Variants in DPH6 observed in about 807,000 individuals in gnomAD.
DPH6 encodes diphthamine biosynthesis 6.
A neutral mutation model predicts 38.2 loss-of-function variants in DPH6; 33 were observed. The observed-to-expected ratio is 0.86, with a 90% confidence interval of 0.65 to 1.15. The LOEUF is 1.15. Among genes scored for constraint, DPH6 ranks in the 50% most tolerant of loss-of-function variants. The probability of loss-of-function intolerance (pLI) is 0.00; values close to 1 mark genes in which losing one functional copy is unlikely to be tolerated. For missense variants in DPH6, 325 were observed against 320.0 expected, an observed-to-expected ratio of 1.02 and a Z score of -0.12; for synonymous variants, 108 against 103.0, an observed-to-expected ratio of 1.05 and a Z score of -0.30.
Position 35,509,292 on chromosome 15 carries a change from A to T in DPH6, c.312+28982T>A, listed in dbSNP as rs190054929. Among the ~76,000 whole-genome samples, 947 of 152,308 alleles carry T rather than the reference A, an allele frequency of 6.2e-3. 4 individuals are homozygous for T. Among genetic ancestry groups the T allele is most frequent in the Non-Finnish European group, 0.01 (695 of 68,018 alleles). Reference sequence around the variant, plus strand: ...GTTTGTTGAAATAAAATAAAACCTAAATTTCTTCAGCATTGACTCAAATCA... The same window carrying T: ...GTTTGTTGAAATAAAATAAAACCTATATTTCTTCAGCATTGACTCAAATCA... On this transcript the variant is annotated intron_variant, in intron 3 of 8. Transcript: ENST00000256538.
At chr15:35,178,740 T>C in the DPH6 span, among the ~76,000 whole-genome samples, 1 of 152,184 alleles carries the variant, frequency 6.6e-6, no homozygotes, top group Admixed American at 6.6e-5. Context: ...CAGAAGCTTC[T>C]CAACTGTCAT....
chr15:35,164,253 T>C, the DPH6 span, among the ~76,000 whole-genome samples: 1 of 151,894 alleles, frequency 6.6e-6, no homozygotes, highest in Non-Finnish European at 1.5e-5. Context: ...TGCTGCTATA[T>C]ATTTTATCAG....
chr15:35,175,720 A>G, the DPH6 span, among the ~76,000 whole-genome samples: 1 of 152,274 alleles, frequency 6.6e-6, no homozygotes, highest in East Asian at 1.9e-4. Context: ...TAAATGTTAT[A>G]TTAGCACTTA....
intron 6 of DPH6, among the ~76,000 whole-genome samples, chr15:35,405,296 T>G (rs138770705): frequency 6.6e-6 from 1 of 152,142 alleles, no homozygotes; most frequent in Non-Finnish European, 1.5e-5. Flanking sequence ...CAGATTGCTT[T>G]AGGTAGTATG....
intron 5 of DPH6, among the ~76,000 whole-genome samples, chr15:35,426,918 G>C (rs1264172869): frequency 6.7e-6 from 1 of 148,716 alleles, no homozygotes; most frequent in South Asian, 2.1e-4. Flanking sequence ...TTATGAACAC[G>C]TTGAAAATAT....
chr15:35,252,045 C>A (rs922138484), intron 3 of DPH6, among the ~76,000 whole-genome samples: 2 of 152,188 alleles, frequency 1.3e-5, no homozygotes, highest in African/African-American at 4.8e-5. Context: ...GAGGCTAAGG[C>A]AGGAGGTAGA....
chr15:35,536,424 A>C (rs1017220871), intron 3 of DPH6, among the ~76,000 whole-genome samples: 1 of 152,044 alleles, frequency 6.6e-6, no homozygotes, highest in Non-Finnish European at 1.5e-5. Flanking sequence ...TCCAAAGCAT[A>C]AGTTGTCAAG....
rs557551766 is a variant in DPH6 at position 35,401,320 on chromosome 15, G to A, written c.567+9515C>T. On this transcript the variant is annotated intron_variant, in intron 6 of 8. Coordinates refer to ENST00000256538, the MANE Select transcript of DPH6 (RefSeq NM_080650.4). ...CTTTGGTAGTGGAGGAAACTTCAGT[G>A]ATCATGGTGGCTTTGGTGGCAGCTG... 1.5e-4 allele frequency: 115 copies of A among 790,704 alleles called. 3 individuals are homozygous for A. The highest frequency in any genetic ancestry group is 1.3e-3 in the South Asian group (98 of 74,732). The allele number at this position is 790,704 out of a possible 1,614,324, so 49.0% of individuals were successfully genotyped here.
At chr15:35,304,792 G>GT (rs372681087) in intron 3 of DPH6, among the ~76,000 whole-genome samples, 113 of 148,970 alleles carry the variant, frequency 7.6e-4, no homozygotes, top group African/African-American at 2.7e-3. Flanking sequence ...TATTTGGATG[G>GT]TAAAAAAAAA....
intron 3 of DPH6, among the ~76,000 whole-genome samples, chr15:35,533,320 G>C (rs1165253076): frequency 1.3e-5 from 2 of 151,956 alleles, no homozygotes; most frequent in Admixed American, 1.3e-4. Context: ...ACACAATCTA[G>C]GCCTACCAAA....
chr15:35,223,350 G>A (rs546148694), intron 3 of DPH6, among the ~76,000 whole-genome samples: 12 of 152,158 alleles, frequency 7.9e-5, no homozygotes, highest in Admixed American at 6.5e-4. Flanking sequence ...GAGCTCTAAT[G>A]GACTCATCAT....
chr15:35,537,206 T>C (rs1323745951), intron 3 of DPH6, among the ~76,000 whole-genome samples: 1 of 152,124 alleles, frequency 6.6e-6, no homozygotes, highest in Non-Finnish European at 1.5e-5. Context: ...TACTTGAAAC[T>C]AGAAAATTTT....
At chr15:35,334,249 A>G (rs1020212637) in intron 3 of DPH6, among the ~76,000 whole-genome samples, 5 of 152,188 alleles carry the variant, frequency 3.3e-5, no homozygotes, top group African/African-American at 1.2e-4. Flanking sequence ...GCATCAATTA[A>G]TTCTAATACC....
intron 3 of DPH6, among the ~76,000 whole-genome samples, chr15:35,486,380 AAGG>A (rs1484980412): frequency 6.6e-6 from 1 of 150,876 alleles, no homozygotes; most frequent in South Asian, 2.1e-4. Context: ...ATGAAGAAAA[AAGG>A]TTTAACTGAT....
At chr15:35,350,502 T>C (rs1455859624) in intron 3 of DPH6, among the ~76,000 whole-genome samples, 1 of 152,142 alleles carries the variant, frequency 6.6e-6, no homozygotes, top group Non-Finnish European at 1.5e-5. Context: ...CTTACTTTTG[T>C]AGTTCTTTGA....
At chr15:35,412,930 G>A (rs1308368512) in intron 5 of DPH6, among the ~76,000 whole-genome samples, 2 of 151,510 alleles carry the variant, frequency 1.3e-5, no homozygotes, top group East Asian at 1.9e-4. Flanking sequence ...TACATCTGTC[G>A]AAGCCTGTAG....
intron 3 of DPH6, among the ~76,000 whole-genome samples, chr15:35,229,303 C>A (rs1417972168): frequency 2.7e-5 from 4 of 150,170 alleles, no homozygotes; most frequent in Non-Finnish European, 5.9e-5. Flanking sequence ...CTTTCTTCTG[C>A]TTGATCAATT....
intron 3 of DPH6, among the ~76,000 whole-genome samples, chr15:35,470,714 A>G (rs2054188179): frequency 6.6e-6 from 1 of 152,190 alleles, no homozygotes; most frequent in Non-Finnish European, 1.5e-5. Flanking sequence ...AACATTATCC[A>G]CTTCAAGAAT....
intron 3 of DPH6, among the ~76,000 whole-genome samples, chr15:35,284,216 C>T (rs2051922367): frequency 6.6e-6 from 1 of 152,266 alleles, no homozygotes; most frequent in East Asian, 1.9e-4. Flanking sequence ...GACATCCCAA[C>T]CTAATAAGCA....
Sources: gnomAD v4.1 joint callset for allele counts (sites outside exome capture counted in the v4.1 genomes callset) on GRCh38, gnomAD v4.1.1 for gene constraint, MANE v1.5 for transcripts, NCBI Gene and HGNC (gene_info 2026-07-23, HGNC 2026-07-21) for gene names.